Variants in GALNT2 observed in about 807,000 individuals in gnomAD.
GALNT2 encodes polypeptide N-acetylgalactosaminyltransferase 2.
In GALNT2, 31 loss-of-function variants were observed where a neutral mutation model predicts 81.4. The observed-to-expected ratio is 0.38, with a 90% confidence interval of 0.29 to 0.51. GALNT2 has a LOEUF of 0.51. Among genes scored for constraint, GALNT2 ranks in the 20% least tolerant of loss-of-function variants. GALNT2 has a pLI of 0.87. For synonymous variants in GALNT2, 303 were observed against 287.4 expected, an observed-to-expected ratio of 1.05 and a Z score of -0.55; for missense variants, 629 against 765.7, an observed-to-expected ratio of 0.82 and a Z score of 2.11.
chr1:230,161,000 T>C (rs1662415352), intron 1 of GALNT2, among the ~76,000 whole-genome samples: 2 of 152,202 alleles, frequency 1.3e-5, no homozygotes, highest in Non-Finnish European at 2.9e-5. Context: ...TTCCTATCTA[T>C]TGTGAAGTTG....
At chr1:230,061,316 C>CT (rs1156966077) in intron 1 of GALNT2, among the ~76,000 whole-genome samples, 3 of 152,026 alleles carry the variant, frequency 2.0e-5, no homozygotes, top group African/African-American at 7.2e-5. Context: ...CATTCTGTAT[C>CT]TCCCTTCTTC....
In GALNT2 at chr1:230,250,516, G is replaced by A. The variant is rs780788137; in HGVS notation, c.965G>A (p.Gly322Glu). Residue 322 changes from glycine to glutamate, a missense_variant, in exon 10 of 16, where the codon GGG becomes GAG. Gly to Glu is a moderately conservative substitution (Grantham distance 98). This residue lies in a region of GALNT2 where 360 missense variants were observed against 492.8 expected (regional missense o/e 0.73). Coordinates refer to ENST00000366672, the MANE Select transcript of GALNT2 (RefSeq NM_004481.5). ...GATAAGTTCTATTTTGAAGAACTGG[G>A]GAAGTACGACATGATGATGGATGTG... is the stretch of plus-strand genomic sequence containing the variant. ...VMDKFYFEELGKYDMMMDVWG... is the reference protein window; with the variant it reads ...VMDKFYFEELEKYDMMMDVWG... The A allele has an allele frequency of 6.2e-7, 1 of 1,613,916 alleles. No homozygotes were observed. The highest frequency in any genetic ancestry group is 8.5e-7 in the Non-Finnish European group (1 of 1,179,940).
intron 2 of GALNT2, among the ~76,000 whole-genome samples, chr1:230,188,236 G>T (rs1025860177): frequency 7.2e-5 from 11 of 152,326 alleles, no homozygotes; most frequent in African/African-American, 2.6e-4. Context: ...TCTTGGGGCT[G>T]CCGTGGTCAC....
intron 1 of GALNT2, among the ~76,000 whole-genome samples, chr1:230,158,149 G>A (rs1363586783): frequency 6.6e-6 from 1 of 152,142 alleles, no homozygotes; most frequent in African/African-American, 2.4e-5. Flanking sequence ...TGTTTGCATG[G>A]GGCGTGGTGG....
chr1:230,206,382 C>T (rs1386316881), intron 3 of GALNT2, among the ~76,000 whole-genome samples: 16 of 152,004 alleles, frequency 1.1e-4, no homozygotes, highest in African/African-American at 2.9e-4. Context: ...TAGTTCCAGC[C>T]AGTGTGTCAT....
At chr1:230,224,697 T>A (rs1664653203) in intron 3 of GALNT2, among the ~76,000 whole-genome samples, 1 of 152,230 alleles carries the variant, frequency 6.6e-6, no homozygotes, top group African/African-American at 2.4e-5. Context: ...GAGTGTTTGG[T>A]GAGCGAAGAG....
intron 11 of GALNT2, chr1:230,259,376 A>G (rs1304129700): frequency 1.3e-5 from 2 of 152,354 alleles, no homozygotes; most frequent in African/African-American, 4.8e-5. Context: ...AATTTTCTGC[A>G]TGAAACAAAG....
At chr1:230,060,296 G>A (rs1659016808) in intron 1 of GALNT2, among the ~76,000 whole-genome samples, 1 of 151,912 alleles carries the variant, frequency 6.6e-6, no homozygotes, top group Admixed American at 6.6e-5. Flanking sequence ...ATTATTCTTT[G>A]TTTCTGGGAT....
At chr1:230,149,713 A>G (rs764522729) in intron 1 of GALNT2, among the ~76,000 whole-genome samples, 10 of 152,168 alleles carry the variant, frequency 6.6e-5, no homozygotes, top group Non-Finnish European at 1.5e-4. Flanking sequence ...TGTAAATATA[A>G]ACAGATACAT....
chr1:230,074,156 A>T (rs1179216830), intron 1 of GALNT2, among the ~76,000 whole-genome samples: 1 of 151,888 alleles, frequency 6.6e-6, no homozygotes, highest in Non-Finnish European at 1.5e-5. Flanking sequence ...TCAGTGGTAC[A>T]ACCAGAGCTA....
chr1:230,214,184 C>CAGAGTGCAGAGGTGA (rs1437781881), intron 3 of GALNT2, among the ~76,000 whole-genome samples: 1 of 151,582 alleles, frequency 6.6e-6, no homozygotes, highest in Non-Finnish European at 1.5e-5. Flanking sequence ...GTGATCTAAG[C>CAGAGTGCAGAGGTGA]TCACTGCAAC....
At chr1:230,255,123 T>TATCC in intron 10 of GALNT2, 95 bp from the exon 11 acceptor site, 1 of 1,560,634 alleles carries the variant, frequency 6.4e-7, no homozygotes, top group South Asian at 1.1e-5. Context: ...CATGATGGGA[T>TATCC]GGTCAGGGGG....
intron 1 of GALNT2, among the ~76,000 whole-genome samples, chr1:230,134,210 G>A (rs1661464067): frequency 6.7e-6 from 1 of 150,342 alleles, no homozygotes; most frequent in South Asian, 2.1e-4. Flanking sequence ...CCGGGTTCAC[G>A]CCATTCTCCT....
chr1:230,120,074 C>T (rs1249488198), intron 1 of GALNT2, among the ~76,000 whole-genome samples: 1 of 151,950 alleles, frequency 6.6e-6, no homozygotes, highest in East Asian at 1.9e-4. Flanking sequence ...TCCTGTTCCT[C>T]CCCTGTGCCC....
chr1:230,116,325 G>A (rs1344208032), intron 1 of GALNT2, among the ~76,000 whole-genome samples: 2 of 152,104 alleles, frequency 1.3e-5, no homozygotes, highest in African/African-American at 2.4e-5. Context: ...TGCATCCCAG[G>A]TTCAAGGAAT....
At chr1:230,273,302 G>A (rs1369170293) in intron 14 of GALNT2, among the ~76,000 whole-genome samples, 1 of 152,218 alleles carries the variant, frequency 6.6e-6, no homozygotes, top group East Asian at 1.9e-4. Flanking sequence ...GCCTGGCTCT[G>A]TGACAGCGCC....
intron 1 of GALNT2, among the ~76,000 whole-genome samples, chr1:230,105,681 C>T (rs369147606): frequency 2.6e-5 from 4 of 152,152 alleles, no homozygotes; most frequent in Non-Finnish European, 4.4e-5. Flanking sequence ...GGGCGTCTGT[C>T]GGTGCTGTCT....
At chr1:230,245,820 G>A (rs550297938) in intron 7 of GALNT2, among the ~76,000 whole-genome samples, 5 of 152,170 alleles carry the variant, frequency 3.3e-5, no homozygotes, top group African/African-American at 1.2e-4. Flanking sequence ...AGTGACTCCT[G>A]CTACGCACCC....
intron 1 of GALNT2, among the ~76,000 whole-genome samples, chr1:230,166,127 T>A (rs188149244): frequency 2.7e-5 from 4 of 149,314 alleles, no homozygotes; most frequent in Non-Finnish European, 4.4e-5. Flanking sequence ...TTGTAATTAA[T>A]AAAAAAAAAA....
Sources: allele counts gnomAD v4.1 joint callset (sites outside exome capture counted in the v4.1 genomes callset), GRCh38; gene constraint gnomAD v4.1.1; regional missense constraint gnomAD v4.1.1; transcripts MANE v1.5; gene names NCBI Gene and HGNC (gene_info 2026-07-23, HGNC 2026-07-21).